SAXO1: variants seen among roughly 807,000 people sequenced by gnomAD.
SAXO1 encodes 4930500O09Rik.
Under a neutral mutation model 17.5 loss-of-function variants are expected in SAXO1, and 21 were observed. The observed-to-expected ratio is 1.20, with a 90% confidence interval of 0.85 to 1.72. The LOEUF (loss-of-function observed/expected upper bound fraction) is 1.72. Ranked by LOEUF, SAXO1 falls within the 40% of genes most tolerant of loss-of-function variation. The pLI, the probability that SAXO1 is intolerant of heterozygous loss-of-function variation, is 0.00. For missense variants in SAXO1, 843 were observed against 596.0 expected (o/e 1.41, Z -4.32); for synonymous variants, 274 against 216.5 (o/e 1.27, Z -2.33).
intron 1 of SAXO1, among the ~76,000 whole-genome samples, chr9:19,024,357 C>T (rs557421473): frequency 2.6e-5 from 4 of 151,950 alleles, no homozygotes; most frequent in Non-Finnish European, 5.9e-5. Context: ...AAACCAAACA[C>T]CGCATGTTCT....
At chr9:18,977,822 C>T (rs1194843821) in intron 1 of SAXO1, among the ~76,000 whole-genome samples, 1 of 151,806 alleles carries the variant, frequency 6.6e-6, no homozygotes, top group Non-Finnish European at 1.5e-5. Context: ...GGCAAAACCC[C>T]GTCTCTACCA....
chr9:18,992,068 G>C (rs1833835964), intron 1 of SAXO1, among the ~76,000 whole-genome samples: 1 of 152,170 alleles, frequency 6.6e-6, no homozygotes, highest in Non-Finnish European at 1.5e-5. Flanking sequence ...CAATGAGATA[G>C]GTGTGATTTG....
intron 1 of SAXO1, among the ~76,000 whole-genome samples, chr9:19,001,535 C>T (rs1172928128): frequency 4.0e-5 from 6 of 151,802 alleles, no homozygotes; most frequent in African/African-American, 9.7e-5. Context: ...GGTGTGGTGG[C>T]GGGCACCTGT....
Position 18,975,423 on chromosome 9 carries a change from TA to T in SAXO1, c.39-24487del, listed in dbSNP as rs199711235. On this transcript the variant is annotated intron_variant, in intron 1 of 3. Coordinates refer to ENST00000380534, the MANE Select transcript of SAXO1 (RefSeq NM_153707.4). ...TCAGACATGTCTAATCACAGCACTT[TA>T]TGCACTTCAGAGCACACCCATTTCA... Among the ~76,000 whole-genome samples the T allele has an allele frequency of 4.8e-3, 735 of 152,338 alleles. 7 individuals are homozygous for T. Among genetic ancestry groups the T allele is most frequent in the African/African-American group, 0.017 (701 of 41,586 alleles).
chr9:18,930,517 G>C (rs1407727486), intron 3 of SAXO1, among the ~76,000 whole-genome samples: 2 of 140,872 alleles, frequency 1.4e-5, no homozygotes, highest in East Asian at 2.1e-4. Context: ...TTTTTTATTT[G>C]AGATGGAGTT....
intron 1 of SAXO1, among the ~76,000 whole-genome samples, chr9:19,044,412 G>T (rs557212738): frequency 1.3e-5 from 2 of 152,298 alleles, no homozygotes; most frequent in Non-Finnish European, 2.9e-5. Flanking sequence ...AAAGCTGGCA[G>T]ATTGAACACA....
intron 1 of SAXO1, among the ~76,000 whole-genome samples, chr9:19,011,744 G>C (rs553751888): frequency 2.0e-5 from 3 of 151,964 alleles, no homozygotes; most frequent in South Asian, 4.2e-4. Flanking sequence ...CAAAATCTAA[G>C]TATGCCAATT....
chr9:18,950,987 C>G, intron 1 of SAXO1, 50 bp from the exon 2 acceptor site: 1 of 1,539,806 alleles, frequency 6.5e-7, no homozygotes, highest in Non-Finnish European at 8.8e-7. Context: ...AGAAAAAAAC[C>G]CAATTTCCTA....
At chr9:18,984,248 G>A (rs1243003128) in intron 1 of SAXO1, among the ~76,000 whole-genome samples, 2 of 152,152 alleles carry the variant, frequency 1.3e-5, no homozygotes, top group Non-Finnish European at 2.9e-5. Flanking sequence ...TACTTCTTAA[G>A]GGTCCTAGGA....
chr9:18,990,158 G>C (rs1455639098), intron 1 of SAXO1, among the ~76,000 whole-genome samples: 1 of 130,892 alleles, frequency 7.6e-6, no homozygotes, highest in African/African-American at 2.6e-5. Context: ...CACCAAGCAG[G>C]AGTCATGGAC....
At chr9:19,046,298 TTAA>T (rs1836214339) in intron 1 of SAXO1, among the ~76,000 whole-genome samples, 1 of 152,064 alleles carries the variant, frequency 6.6e-6, no homozygotes, top group Non-Finnish European at 1.5e-5. Context: ...ATATTAAAAT[TTAA>T]AACTCCAAAG....
chr9:18,950,618 A>C, intron 2 of SAXO1, 140 bp downstream of exon 2: 1 of 713,710 alleles, frequency 1.4e-6, no homozygotes, highest in Non-Finnish European at 2.2e-6. Flanking sequence ...GATATAGTAC[A>C]TTAAGGCATT....
intron 1 of SAXO1, among the ~76,000 whole-genome samples, chr9:18,969,442 C>T (rs1832863199): frequency 6.6e-6 from 1 of 152,192 alleles, no homozygotes; most frequent in Admixed American, 6.5e-5. Context: ...GGCTCTCTTC[C>T]AGGCACTGCA....
upstream of SAXO1, among the ~76,000 whole-genome samples, chr9:19,037,757 G>A (rs1232521159): frequency 6.6e-6 from 1 of 152,008 alleles, no homozygotes; most frequent in Non-Finnish European, 1.5e-5. Flanking sequence ...CCTCCCCTAG[G>A]AACTGTTTAC....
intron 1 of SAXO1, among the ~76,000 whole-genome samples, chr9:18,986,966 G>A (rs1833619452): frequency 6.6e-6 from 1 of 152,196 alleles, no homozygotes; most frequent in Non-Finnish European, 1.5e-5. Flanking sequence ...ATGTGGGCTA[G>A]CTGTGTCCCA....
In SAXO1 at chr9:19,049,208, C is replaced by A; in HGVS notation, c.-158+1G>T. ...TTTCCCCCGGCCAACCACACACGTA[C>A]CCCTAGCAACAGCAAACCCAGCTGC... On this transcript the variant is annotated splice_donor_variant, in intron 1 of 3. Transcript: ENST00000542071. LOFTEE classifies it low-confidence loss of function (5UTR_SPLICE). The surrounding 1 kb of genome is among the most constrained non-coding windows in gnomAD (Gnocchi z 5.4). 6.4e-6 allele frequency: 1 copy of A among 156,686 alleles called. No individual in the cohort carries two copies. Among genetic ancestry groups the A allele is most frequent in the Non-Finnish European group, 1.4e-5 (1 of 71,110 alleles). The allele number at this position is 156,686 out of a possible 1,614,324, so 9.7% of individuals were successfully genotyped here.
chr9:18,934,293 G>C (rs74305631), intron 3 of SAXO1, among the ~76,000 whole-genome samples: 1 of 148,050 alleles, frequency 6.8e-6, no homozygotes, highest in Admixed American at 6.6e-5. Context: ...TTCTCCTTTT[G>C]GGGCCATGAT....
At position 19,032,790 on chromosome 9, in the gene SAXO1, A is replaced by T. The variant is rs62560459; in HGVS notation, c.38+81T>A. 2.7e-6 allele frequency: 4 copies of T among 1,498,768 alleles called. No homozygotes were observed. The African/African-American group carries it at 4.2e-5, about 16-fold the overall frequency. The allele number at this position is 1,498,768 out of a possible 1,614,324, so 92.8% of individuals were successfully genotyped here. ...AACCCACCGTGATGCCGCCTGATGA[A>T]GCAGCTGGGGGAGGCTTCCCTTCCT... is the stretch of plus-strand genomic sequence containing the variant. On this transcript the variant is annotated intron_variant, in intron 1 of 3. Coordinates refer to ENST00000380534, the MANE Select transcript of SAXO1 (RefSeq NM_153707.4).
intron 1 of SAXO1, among the ~76,000 whole-genome samples, chr9:19,023,704 T>C (rs187990486): frequency 6.6e-6 from 1 of 151,296 alleles, no homozygotes; most frequent in Non-Finnish European, 1.5e-5. Context: ...AAACTACAAA[T>C]CCACTCAGAA....
Sources: gnomAD v4.1 joint callset for allele counts (sites outside exome capture counted in the v4.1 genomes callset) on GRCh38, gnomAD v4.1.1 for gene constraint, Gnocchi (gnomAD v3.1) non-coding constraint, MANE v1.5 for transcripts, NCBI Gene and HGNC (gene_info 2026-07-23, HGNC 2026-07-21) for gene names.